NRK: variants seen among roughly 807,000 people sequenced by gnomAD.
NRK encodes Nik related kinase, also known as nik-related protein kinase.
A neutral mutation model predicts 125.2 loss-of-function variants in NRK; 67 were observed. That is an observed-to-expected ratio of 0.54 (90% CI 0.44 to 0.66). NRK has a LOEUF of 0.66. NRK is among the 30% of genes least tolerant of loss of function. NRK has a pLI of 0.00. For missense variants in NRK, 1,224 were observed against 1,192.9 expected, an observed-to-expected ratio of 1.03 and a Z score of -0.38; for synonymous variants, 458 against 429.0, an observed-to-expected ratio of 1.07 and a Z score of -0.84.
intron 8 of NRK, 147 bp downstream of exon 8, chrX:105,898,861 G>T (rs1051042837): frequency 7.0e-6 from 3 of 430,332 alleles, no homozygotes; most frequent in Admixed American, 5.2e-5. Flanking sequence ...CCTCTATTTC[G>T]GTAAGTGGTT....
intron 14 of NRK, among the ~76,000 whole-genome samples, chrX:105,915,392 C>T (rs1255509684): frequency 6.3e-5 from 7 of 110,855 alleles, no homozygotes; most frequent in African/African-American, 2.3e-4. Context: ...GGGAGACCTG[C>T]ATTCTGATTT....
chrX:105,853,501 C>A (rs1489297991), intron 2 of NRK, among the ~76,000 whole-genome samples: 1 of 111,718 alleles, frequency 9.0e-6, no homozygotes, highest in Non-Finnish European at 1.9e-5. Context: ...GCCCCACCAA[C>A]CATGTGTGCA....
At chrX:105,886,448 A>G (rs750904516) in intron 4 of NRK, among the ~76,000 whole-genome samples, 4 of 104,178 alleles carry the variant, frequency 3.8e-5, no homozygotes, top group Non-Finnish European at 7.8e-5. Context: ...ACAGATAATT[A>G]TATATATAAT....
chrX:105,921,095 T>C (rs1231909374), intron 16 of NRK, among the ~76,000 whole-genome samples: 2 of 99,063 alleles, frequency 2.0e-5, no homozygotes, highest in South Asian at 5.1e-4. Flanking sequence ...TGTCCAACAA[T>C]GATAGACTGG....
intron 1 of NRK, among the ~76,000 whole-genome samples, chrX:105,824,563 T>C (rs1242861894): frequency 9.8e-6 from 1 of 101,554 alleles, no homozygotes; most frequent in Admixed American, 1.1e-4. Flanking sequence ...ATAGAAATGA[T>C]AGGACAGGGA....
intron 1 of NRK, 96 bp downstream of exon 1, chrX:105,822,998 C>T: frequency 3.8e-6 from 3 of 799,098 alleles, no homozygotes; most frequent in Non-Finnish European, 3.5e-6. Context: ...ACGGGCTAGA[C>T]CAGGACTTCG....
At chrX:105,896,530 A>G (rs2040084885) in intron 7 of NRK, among the ~76,000 whole-genome samples, 1 of 111,913 alleles carries the variant, frequency 8.9e-6, no homozygotes, top group Non-Finnish European at 1.9e-5. Flanking sequence ...ATAAAGCTAG[A>G]AACACAATTT....
rs764823767 is a variant in NRK, at chrX:105,846,442, TG to T, written c.123+15324del. Among the ~76,000 whole-genome samples, 6 of 111,887 alleles carry T rather than the reference TG, an allele frequency of 5.4e-5. No homozygotes were observed. The East Asian group carries it at 8.5e-4, about 16-fold the overall frequency. ...TGTCACATCACCCTGCTCTTAATTC[TG>T]TTAACATAGCCCAGAGAATATACTG... On this transcript the variant is annotated intron_variant, in intron 2 of 28. Coordinates refer to ENST00000243300, the MANE Select transcript of NRK (RefSeq NM_198465.4).
intron 22 of NRK, 73 bp from the exon 23 acceptor site, chrX:105,939,801 C>G (rs1235617271): frequency 1.6e-6 from 1 of 633,296 alleles, no homozygotes; most frequent in East Asian, 4.1e-5. Context: ...GGCAAAATAT[C>G]TTTACTTTTT....
chrX:105,872,250 G>C (rs1271725004), intron 2 of NRK, among the ~76,000 whole-genome samples: 1 of 111,355 alleles, frequency 9.0e-6, no homozygotes. Context: ...AATGTAATGA[G>C]TACAGCCTGT....
chrX:105,860,538 C>A (rs1375460148), intron 2 of NRK, among the ~76,000 whole-genome samples: 1 of 110,066 alleles, frequency 9.1e-6, no homozygotes, highest in Non-Finnish European at 1.9e-5. Flanking sequence ...ACAAAGGAAA[C>A]CCTCTAACCA....
chrX:105,912,194 G>A (rs1220174405), intron 13 of NRK, among the ~76,000 whole-genome samples: 1 of 111,218 alleles, frequency 9.0e-6, no homozygotes, highest in Non-Finnish European at 1.9e-5. Context: ...ATCTCAATTA[G>A]GGAGAAATAT....
At chrX:105,950,432 A>G (rs963658523) in intron 27 of NRK, among the ~76,000 whole-genome samples, 2 of 110,451 alleles carry the variant, frequency 1.8e-5, no homozygotes, top group African/African-American at 6.6e-5. Context: ...ATGCATACAA[A>G]AAGTAAATAT....
In NRK at chrX:105,912,446, G is replaced by C. The variant is rs774276659; in HGVS notation, c.2242-202G>C. ...CTATAGCATTTCTCAGATTCTGAAAGGGATCCAGAACCAAACACTATTAGA... is the reference window on the plus strand; with the variant it reads ...CTATAGCATTTCTCAGATTCTGAAACGGATCCAGAACCAAACACTATTAGA... On this transcript the variant is annotated intron_variant, in intron 13 of 28. Coordinates refer to ENST00000243300, the MANE Select transcript of NRK (RefSeq NM_198465.4). 4.5e-5 allele frequency among the ~76,000 whole-genome samples: 5 copies of C among 110,557 alleles called. No homozygotes were observed. In the South Asian group the frequency reaches 1.5e-3, roughly 33 times the overall value.
intron 14 of NRK, 137 bp from the exon 15 acceptor site, chrX:105,915,593 A>T: frequency 2.7e-6 from 1 of 366,009 alleles, no homozygotes; most frequent in Admixed American, 5.1e-5. Context: ...ATGAAATAGA[A>T]TCTGTTTATT....
chrX:105,918,132 CAG>C (rs1459112577), intron 16 of NRK, among the ~76,000 whole-genome samples: 15 of 111,523 alleles, frequency 1.3e-4, no homozygotes, highest in African/African-American at 4.6e-4. Context: ...CTAAATGTTA[CAG>C]AGTGATGGTT....
At chrX:105,895,579 T>G (rs1254182253) in intron 7 of NRK, 56 bp downstream of exon 7, 1 of 768,485 alleles carries the variant, frequency 1.3e-6, no homozygotes, top group East Asian at 3.2e-5. Context: ...AGAAAGCTCC[T>G]TTAAGATAAC....
intron 2 of NRK, among the ~76,000 whole-genome samples, chrX:105,876,008 T>C (rs1286511208): frequency 9.0e-6 from 1 of 111,029 alleles, no homozygotes; most frequent in Non-Finnish European, 1.9e-5. Flanking sequence ...TTAAGTAAGA[T>C]AAGACAGACA....
At chrX:105,925,512 T>C (rs1017671671) in intron 19 of NRK, among the ~76,000 whole-genome samples, 3 of 111,103 alleles carry the variant, frequency 2.7e-5, no homozygotes, top group Non-Finnish European at 5.7e-5. Context: ...TTGTTAATTA[T>C]AGTTACCCTA....
Sources: gnomAD v4.1 joint callset for allele counts (sites outside exome capture counted in the v4.1 genomes callset) on GRCh38, gnomAD v4.1.1 for gene constraint, MANE v1.5 for transcripts, NCBI Gene and HGNC (gene_info 2026-07-23, HGNC 2026-07-21) for gene names.